ESRRG: variants seen among roughly 807,000 people sequenced by gnomAD.
The protein encoded by ESRRG is estrogen related receptor gamma.
ESRRG carries 13 observed loss-of-function variants against 44.0 expected under a neutral mutation model. The observed-to-expected ratio is 0.30, with a 90% CI of 0.19 to 0.47. The LOEUF is 0.47. Ranked by LOEUF, ESRRG falls within the 20% of genes least tolerant of loss-of-function variation. The pLI is 1.00. For missense variants in ESRRG, 395 were observed against 580.6 expected, an observed-to-expected ratio of 0.68 and a Z score of 3.29; for synonymous variants, 215 against 214.6, an observed-to-expected ratio of 1.00 and a Z score of -0.02.
intron 2 of ESRRG, among the ~76,000 whole-genome samples, chr1:216,857,709 C>G (rs1354664220): frequency 3.2e-5 from 4 of 125,360 alleles, no homozygotes; most frequent in Non-Finnish European, 6.6e-5. Context: ...TAATTTTTCA[C>G]AAAGCCAGAT....
chr1:216,640,006 T>C (rs770844592), intron 3 of ESRRG, among the ~76,000 whole-genome samples: 21 of 152,332 alleles, frequency 1.4e-4, no homozygotes, highest in Middle Eastern at 6.8e-3. Context: ...TCATGTCAAC[T>C]TGAAAAAGCA....
At chr1:217,007,134 T>C (rs1435619610) in intron 1 of ESRRG, among the ~76,000 whole-genome samples, 1 of 152,126 alleles carries the variant, frequency 6.6e-6, no homozygotes, top group African/African-American at 2.4e-5. Context: ...ATACTCACAA[T>C]GAGAGCAAAA....
intron 1 of ESRRG, among the ~76,000 whole-genome samples, chr1:216,679,908 G>A (rs1339948959): frequency 6.6e-6 from 1 of 152,078 alleles, no homozygotes; most frequent in Non-Finnish European, 1.5e-5. Context: ...TAAAGTCCCT[G>A]AAAAATAGGG....
chr1:216,885,344 C>G (rs1391791518), intron 2 of ESRRG, among the ~76,000 whole-genome samples: 6 of 152,018 alleles, frequency 3.9e-5, no homozygotes, highest in Admixed American at 3.3e-4. Flanking sequence ...TATGGATATG[C>G]CTGTGTACAG....
At chr1:216,583,980 C>T (rs901264954) in intron 3 of ESRRG, among the ~76,000 whole-genome samples, 7 of 152,174 alleles carry the variant, frequency 4.6e-5, no homozygotes, top group Non-Finnish European at 2.9e-5. Flanking sequence ...GCCTCCACAA[C>T]ACATGGGAAT....
chr1:217,043,907 A>G (rs1417538928), intron 1 of ESRRG, among the ~76,000 whole-genome samples: 1 of 151,514 alleles, frequency 6.6e-6, no homozygotes, highest in East Asian at 1.9e-4. Flanking sequence ...CCCTAATACC[A>G]CTACCCAGAG....
chr1:217,051,317 T>C (rs934369223), intron 1 of ESRRG, among the ~76,000 whole-genome samples: 2 of 151,818 alleles, frequency 1.3e-5, no homozygotes, highest in Admixed American at 1.3e-4. Context: ...CTTAGGCTGA[T>C]TCTTCACTTG....
At chr1:216,557,897 T>C (rs1391073993) in intron 5 of ESRRG, among the ~76,000 whole-genome samples, 4 of 152,212 alleles carry the variant, frequency 2.6e-5, no homozygotes, top group African/African-American at 9.6e-5. Context: ...GTGATTACTA[T>C]GAAATGATTA....
intron 1 of ESRRG, among the ~76,000 whole-genome samples, chr1:216,941,088 G>A (rs1233898439): frequency 6.6e-6 from 1 of 152,146 alleles, no homozygotes; most frequent in Admixed American, 6.6e-5. Context: ...GAGAGAGACA[G>A]GAGGTAAGAT....
intron 1 of ESRRG, among the ~76,000 whole-genome samples, chr1:217,034,013 G>T (rs1402617115): frequency 1.3e-5 from 2 of 152,096 alleles, no homozygotes; most frequent in East Asian, 3.9e-4. Flanking sequence ...TCTAGAACTG[G>T]CTTGATTTTT....
intron 6 of ESRRG, among the ~76,000 whole-genome samples, chr1:216,513,093 G>T (rs1193706757): frequency 6.6e-6 from 1 of 152,110 alleles, no homozygotes; most frequent in Admixed American, 6.5e-5. Flanking sequence ...ATAAATATGT[G>T]TCATTTAAAG....
At chr1:216,552,203 A>G (rs1369858078) in intron 5 of ESRRG, among the ~76,000 whole-genome samples, 2 of 152,168 alleles carry the variant, frequency 1.3e-5, no homozygotes, top group Non-Finnish European at 2.9e-5. Flanking sequence ...TAAATCATGT[A>G]TATCTATATA....
chr1:217,024,595 T>G (rs1398043964), intron 1 of ESRRG, among the ~76,000 whole-genome samples: 1 of 152,166 alleles, frequency 6.6e-6, no homozygotes, highest in Non-Finnish European at 1.5e-5. Flanking sequence ...TATTCTTTTC[T>G]TAATTCTTAA....
chr1:216,678,628 G>A (rs1000435951), intron 1 of ESRRG, among the ~76,000 whole-genome samples: 2 of 152,162 alleles, frequency 1.3e-5, no homozygotes, highest in Admixed American at 1.3e-4. Flanking sequence ...GTAATTAGAT[G>A]AAAAGATATA....
At chr1:217,100,760 C>T (rs1451523048) in intron 1 of ESRRG, among the ~76,000 whole-genome samples, 1 of 152,136 alleles carries the variant, frequency 6.6e-6, no homozygotes, top group Admixed American at 6.5e-5. Context: ...GTGCCACTCT[C>T]TTTTAAACAA....
chr1:216,775,551 CTTTTTTTTTTTTTTTTT>C (rs71163765), intron 2 of ESRRG, among the ~76,000 whole-genome samples: 21 of 74,834 alleles, frequency 2.8e-4, no homozygotes, highest in African/African-American at 3.8e-4. Context: ...AATGTCACAT[CTTTTTTTTTTTTTTTTT>C]TTTTTTTTTT....
At chr1:216,569,477 A>C (rs774897080) in intron 3 of ESRRG, among the ~76,000 whole-genome samples, 5 of 152,152 alleles carry the variant, frequency 3.3e-5, no homozygotes, top group African/African-American at 1.2e-4. Context: ...CGGATTTAAA[A>C]GATTAAGGAA....
At chr1:216,830,324 G>T (rs558729038) in intron 2 of ESRRG, among the ~76,000 whole-genome samples, 1 of 152,148 alleles carries the variant, frequency 6.6e-6, no homozygotes, top group Non-Finnish European at 1.5e-5. Context: ...CTGTCAAGTC[G>T]AGAACGAAGT....
At chr1:216,516,059 C>T (rs1445968142) in intron 6 of ESRRG, among the ~76,000 whole-genome samples, 3 of 151,808 alleles carry the variant, frequency 2.0e-5, no homozygotes, top group East Asian at 1.9e-4. Flanking sequence ...AAACTGGGGC[C>T]TCAGAATTAC....
Sources: allele counts gnomAD v4.1 joint callset (sites outside exome capture counted in the v4.1 genomes callset), GRCh38; gene constraint gnomAD v4.1.1; transcripts MANE v1.5; gene names NCBI Gene and HGNC (gene_info 2026-07-23, HGNC 2026-07-21).